The following DHDDS variants were observed in gnomAD, a reference collection of about 807,000 sequenced individuals.
DHDDS encodes dehydrodolichyl diphosphate synthase subunit.
DHDDS carries 16 observed loss-of-function variants against 46.2 expected under a neutral mutation model. The ratio of observed to expected loss-of-function variants is 0.35; its 90% CI spans 0.23 to 0.53. The LOEUF is 0.53. DHDDS is among the 20% of genes least tolerant of loss of function. DHDDS has a pLI of 0.94. For synonymous variants in DHDDS, 151 were observed against 163.1 expected (o/e 0.93, Z 0.56); for missense variants, 340 against 423.7 (o/e 0.80, Z 1.73).
At chr1:26,455,625 T>C (rs2075363803) in intron 6 of DHDDS, among the ~76,000 whole-genome samples, 6 of 152,132 alleles carry the variant, frequency 3.9e-5, no homozygotes, top group Admixed American at 3.9e-4. Flanking sequence ...TGGCTGCCTG[T>C]AGTCCCAGCT....
At position 26,460,076 on chromosome 1, in the gene DHDDS, C is replaced by A; in HGVS notation, c.697C>A (p.Pro233Thr). The change falls in exon 8 of 9, where the codon CCA becomes ACA. Residue 233 changes from proline to threonine, a missense_variant. Transcript: ENST00000236342. The part of the protein sequence containing the change: ...SCLVFQPVLW[P>T]EYTFWNLFEA... ...CCTGGTGTTCCAACCCGTTCTGTGG[C>A]CAGAGTATACATTTTGGAACCTCTT... 1 of 1,614,182 alleles carries A rather than the reference C, an allele frequency of 6.2e-7. No individual in the cohort carries two copies. Among genetic ancestry groups the A allele is most frequent in the Non-Finnish European group, 8.5e-7 (1 of 1,180,038 alleles).
chr1:26,468,805 C>A, intron 8 of DHDDS, 90 bp from the exon 9 acceptor site: 84 of 1,105,118 alleles, frequency 7.6e-5, no homozygotes, highest in Non-Finnish European at 8.4e-5. Context: ...ACTTGGCCCA[C>A]CCTGTGCCCC....
At chr1:26,435,033 A>C (rs1010363043) in intron 2 of DHDDS, among the ~76,000 whole-genome samples, 9 of 148,068 alleles carry the variant, frequency 6.1e-5, no homozygotes, top group African/African-American at 2.2e-4. Flanking sequence ...TTTTTCAGAC[A>C]GAGTCTCACT....
chr1:26,435,585 C>T (rs1479418016), intron 2 of DHDDS, among the ~76,000 whole-genome samples: 1 of 151,380 alleles, frequency 6.6e-6, no homozygotes, highest in East Asian at 1.9e-4. Context: ...TTACAGGCTC[C>T]CACCACCACA....
At chr1:26,434,575 A>C (rs1340606304) in intron 2 of DHDDS, among the ~76,000 whole-genome samples, 1 of 152,010 alleles carries the variant, frequency 6.6e-6, no homozygotes, top group African/African-American at 2.4e-5. Context: ...CTCCCAGGTG[A>C]GGAAAAATAG....
chr1:26,440,310 G>T (rs1051355089), intron 3 of DHDDS, among the ~76,000 whole-genome samples: 1 of 152,176 alleles, frequency 6.6e-6, no homozygotes, highest in African/African-American at 2.4e-5. Flanking sequence ...GTTGACTCCA[G>T]CTTCTCTTTT....
rs747231238 is a variant in DHDDS at position 26,469,041 on chromosome 1, C to G, written c.912C>G (p.Ala304=). The G allele has an allele frequency of 3.4e-5, 55 of 1,613,896 alleles. No homozygotes were observed. Among genetic ancestry groups the G allele is most frequent in the Non-Finnish European group, 1.0e-5 (12 of 1,180,052 alleles). ...GGACACGCTTGCACAAACTCTCGGC[C>G]AGACGGGAAGAGCGAGTCCAAGGCT... ...LRRTRLHKLS[A]RREERVQGFL... Residue 304 remains alanine (A), a synonymous_variant, in exon 9 of 9, where the codon GCC becomes GCG. Transcript: ENST00000236342.
chr1:26,434,036 A>G (rs1250710511), intron 2 of DHDDS, among the ~76,000 whole-genome samples: 3 of 152,212 alleles, frequency 2.0e-5, no homozygotes, highest in Admixed American at 6.5e-5. Context: ...ACCTGGCCTG[A>G]AAGTCCAGTT....
Position 26,469,508 on chromosome 1 carries a change from C to T in DHDDS, c.*377C>T, listed in dbSNP as rs1469421950. 2.2e-5 allele frequency: 7 copies of T among 316,688 alleles called. No homozygotes were observed. Among genetic ancestry groups the T allele is most frequent in the African/African-American group, 4.2e-5 (2 of 47,340 alleles). The allele number at this position is 316,688 out of a possible 1,614,324, so 19.6% of individuals were successfully genotyped here. ...CTCCCCAAAACCCTAGCTCTTTACC[C>T]TTCCATTTTAGCCTTCCACCCAGCT... On this transcript the variant is annotated 3_prime_UTR_variant, in exon 9 of 9. Transcript: ENST00000236342.
Position 26,433,473 on chromosome 1 carries a change from A to T in DHDDS, c.63+465A>T, listed in dbSNP as rs1029402328. Reference sequence around the variant, plus strand: ...AGACCAGCCTGGGCAACATGGCAAAACCCCGATTCTCCAAAAAATTAAAAA... The same window carrying T: ...AGACCAGCCTGGGCAACATGGCAAATCCCCGATTCTCCAAAAAATTAAAAA... On this transcript the variant is annotated intron_variant, in intron 2 of 8. Coordinates refer to ENST00000236342, the MANE Select transcript of DHDDS (RefSeq NM_205861.3). Among the ~76,000 whole-genome samples the T allele has an allele frequency of 7.9e-5, 12 of 151,588 alleles. No homozygotes were observed. In the East Asian group the frequency reaches 1.7e-3, roughly 22 times the overall value.
intron 6 of DHDDS, among the ~76,000 whole-genome samples, chr1:26,450,261 GC>G (rs1278398651): frequency 2.0e-5 from 3 of 152,178 alleles, no homozygotes; most frequent in African/African-American, 7.2e-5. Context: ...TCTCAAAGGA[GC>G]CTCTCAAGTA....
In DHDDS at chr1:26,447,634, G is replaced by T; in HGVS notation, c.516G>T (p.Gly172=). Residue 172 remains glycine (G), a synonymous_variant, in exon 6 of 9, where the codon GGG becomes GGT. Coordinates refer to ENST00000236342, the MANE Select transcript of DHDDS (RefSeq NM_205861.3). The part of the protein sequence containing the change: ...ISNAVREMAW[G]VEQGLLDPSD... ...ATGCTGTGAGAGAGATGGCCTGGGG[G>T]GTGGAGCAAGGCCTGTTGGATCCCA... 6.2e-7 allele frequency: 1 copy of T among 1,614,140 alleles called. No homozygotes were observed. The highest frequency in any genetic ancestry group is 1.1e-5 in the South Asian group (1 of 91,068).
Position 26,446,450 on chromosome 1 carries a change from C to T in DHDDS, c.440+18C>T. The stretch of plus-strand genomic sequence containing the variant: ...TACAACAAGTAAGTTCTCAGATTTC[C>T]CTATAGGGAGCTGTTTCAATCTTTG... On this transcript the variant is annotated intron_variant, in intron 5 of 8. Transcript: ENST00000236342. 1 of 1,609,698 alleles carries T rather than the reference C, an allele frequency of 6.2e-7. No individual in the cohort carries two copies. The highest frequency in any genetic ancestry group is 8.5e-7 in the Non-Finnish European group (1 of 1,176,390).
intron 8 of DHDDS, among the ~76,000 whole-genome samples, chr1:26,467,941 G>A (rs904838206): frequency 7.9e-5 from 12 of 152,274 alleles, no homozygotes; most frequent in African/African-American, 2.9e-4. Context: ...TGCTCTCCTG[G>A]GATCACGTGG....
At position 26,453,204 on chromosome 1, in the gene DHDDS, A is replaced by G. The variant is rs75675725; in HGVS notation, c.543-4587A>G. 5.3e-5 allele frequency among the ~76,000 whole-genome samples: 8 copies of G among 152,272 alleles called. No homozygotes were observed. In the East Asian group the frequency reaches 5.8e-4, roughly 11 times the overall value. On this transcript the variant is annotated intron_variant, in intron 6 of 8. Transcript: ENST00000236342. The stretch of plus-strand genomic sequence containing the variant: ...CTCTGAATCATGCTTTTATCATTCA[A>G]TGTTACGAGTACTTTTCATGACCCG...
At chr1:26,441,006 C>A (rs2075213322) in intron 3 of DHDDS, among the ~76,000 whole-genome samples, 1 of 151,770 alleles carries the variant, frequency 6.6e-6, no homozygotes. Context: ...TTCACTGCAA[C>A]CTCCGCCTCC....
chr1:26,460,868 A>T (rs1279653924), intron 8 of DHDDS, among the ~76,000 whole-genome samples: 3 of 152,022 alleles, frequency 2.0e-5, no homozygotes, highest in African/African-American at 7.2e-5. Context: ...CCTGAATTTT[A>T]TCTTTATTTA....
chr1:26,468,811 G>GCCCCACC, intron 8 of DHDDS, 84 bp from the exon 9 acceptor site: 4 of 637,972 alleles, frequency 6.3e-6, no homozygotes, highest in Admixed American at 2.4e-5. Context: ...CCCACCCTGT[G>GCCCCACC]CCCCACCCCC....
chr1:26,470,819 TGCG>T lies in DHDDS; in HGVS notation c.*1691_*1693del, dbSNP rs1249613921. ...GCCATAATTAGGGAGGCATGAATTA[TGCG>T]GCTATAATGCAGAGCCCTACAATTA... On this transcript the variant is annotated 3_prime_UTR_variant, in exon 9 of 9. Coordinates refer to ENST00000236342, the MANE Select transcript of DHDDS (RefSeq NM_205861.3). 1 of 152,716 alleles carries T rather than the reference TGCG, an allele frequency of 6.5e-6. No homozygotes were observed. Among genetic ancestry groups the T allele is most frequent in the East Asian group, 1.9e-4 (1 of 5,198 alleles). 9.5% of individuals were successfully genotyped at this position (152,716 alleles called of 1,614,324 possible). A position where few individuals can be genotyped will look rare whatever the true frequency, so the allele number is the denominator to read the frequency against.
Sources: allele counts gnomAD v4.1 joint callset (sites outside exome capture counted in the v4.1 genomes callset), GRCh38; gene constraint gnomAD v4.1.1; transcripts MANE v1.5; gene names NCBI Gene and HGNC (gene_info 2026-07-23, HGNC 2026-07-21).